The following CNTN1 variants were observed in gnomAD, a reference collection of about 807,000 sequenced individuals.
CNTN1 encodes the protein contactin-1.
Under a neutral mutation model 126.4 loss-of-function variants are expected in CNTN1, and 38 were observed. The ratio of observed to expected loss-of-function variants is 0.30; its 90% CI spans 0.23 to 0.39. The LOEUF (loss-of-function observed/expected upper bound fraction) is 0.39, where lower values mean the gene tolerates loss of function less well. Among genes scored for constraint, CNTN1 ranks in the 10% least tolerant of loss-of-function variants. CNTN1 has a pLI of 1.00. For missense variants in CNTN1, 1,009 were observed against 1,248.4 expected, an observed-to-expected ratio of 0.81 and a Z score of 2.89; for synonymous variants, 413 against 422.6, an observed-to-expected ratio of 0.98 and a Z score of 0.28.
intron 1 of CNTN1, among the ~76,000 whole-genome samples, chr12:40,740,232 C>T (rs549663958): frequency 6.6e-6 from 1 of 151,948 alleles, no homozygotes; most frequent in Non-Finnish European, 1.5e-5. Flanking sequence ...GAAGTTGTGA[C>T]CTTTGATTTG....
At chr12:41,044,014 G>A (rs1324049691) in intron 23 of CNTN1, among the ~76,000 whole-genome samples, 1 of 103,478 alleles carries the variant, frequency 9.7e-6, no homozygotes, top group Non-Finnish European at 1.9e-5. Context: ...TGGGGGGAGG[G>A]GGGTGGGATA....
chr12:41,044,881 A>T (rs1949507731), intron 23 of CNTN1, among the ~76,000 whole-genome samples: 1 of 152,140 alleles, frequency 6.6e-6, no homozygotes, highest in South Asian at 2.1e-4. Flanking sequence ...TTTACTAAAA[A>T]GTAATGTGTT....
At chr12:40,780,550 C>T (rs1939752232) in intron 1 of CNTN1, among the ~76,000 whole-genome samples, 2 of 151,608 alleles carry the variant, frequency 1.3e-5, no homozygotes, top group Middle Eastern at 3.4e-3. Flanking sequence ...ATTTGCATGT[C>T]TGATATTTTC....
At chr12:40,813,844 T>G (rs968132995) in intron 1 of CNTN1, among the ~76,000 whole-genome samples, 4 of 152,222 alleles carry the variant, frequency 2.6e-5, no homozygotes, top group Non-Finnish European at 4.4e-5. Context: ...CTCCACAGCC[T>G]CGCCAGCATC....
At chr12:41,055,316 C>T (rs1949779744) in intron 23 of CNTN1, among the ~76,000 whole-genome samples, 1 of 152,056 alleles carries the variant, frequency 6.6e-6, no homozygotes, top group South Asian at 2.1e-4. Context: ...CCCTTTTTCA[C>T]AATGCATTTC....
intron 20 of CNTN1, 151 bp from the exon 21 acceptor site, chr12:41,024,999 T>G (rs955616406): frequency 7.4e-6 from 6 of 813,464 alleles, no homozygotes; most frequent in South Asian, 1.4e-5. Context: ...TACTATATTC[T>G]AAGGCTGATA....
At chr12:40,974,452 A>G (rs1206352852) in intron 15 of CNTN1, among the ~76,000 whole-genome samples, 1 of 152,042 alleles carries the variant, frequency 6.6e-6, no homozygotes, top group Non-Finnish European at 1.5e-5. Flanking sequence ...AATAAAAAAT[A>G]AAAATAAAAA....
chr12:40,993,663 A>G (rs912083346), intron 17 of CNTN1, among the ~76,000 whole-genome samples: 1 of 152,202 alleles, frequency 6.6e-6, no homozygotes, highest in Non-Finnish European at 1.5e-5. Context: ...ATGATTTAGA[A>G]GGTTCATAAT....
In CNTN1 at chr12:40,695,122, T is replaced by C. The variant is rs148562701; in HGVS notation, c.-77+2530T>C. ...TCTGATTTGTTTTCTAATTAGGAAG[T>C]ACTTTGCAGAAAAAGACTACACTTA... On this transcript the variant is annotated intron_variant, in intron 1 of 23. Coordinates refer to ENST00000551295, the MANE Select transcript of CNTN1 (RefSeq NM_001843.4). 1.8e-4 allele frequency among the ~76,000 whole-genome samples: 27 copies of C among 152,344 alleles called. 1 individual carries two copies. The highest frequency in any genetic ancestry group is 5.5e-4 in the African/African-American group (23 of 41,582).
rs374289456 is a variant in CNTN1, at chr12:40,911,155, A to C, written c.94+1050A>C. The stretch of plus-strand genomic sequence containing the variant: ...GAGTGCAGCGGCGCGATCTCGGCTC[A>C]CTGCAAGCTCCACCTCCGGGATTCA... On this transcript the variant is annotated intron_variant, in intron 3 of 23. Coordinates refer to ENST00000551295, the MANE Select transcript of CNTN1 (RefSeq NM_001843.4). Among the ~76,000 whole-genome samples the C allele has an allele frequency of 2.9e-3, 439 of 151,268 alleles. 2 individuals are homozygous for C. Among genetic ancestry groups the C allele is most frequent in the Non-Finnish European group, 4.1e-3 (280 of 67,922 alleles).
At chr12:40,944,314 C>T (rs1035719147) in intron 14 of CNTN1, 144 bp downstream of exon 14, 26 of 720,966 alleles carry the variant, frequency 3.6e-5, no homozygotes, top group Non-Finnish European at 6.1e-5. Context: ...CTGTGGTTCT[C>T]CTTATATTAA....
At chr12:40,990,617 A>G (rs1948075645) in intron 16 of CNTN1, among the ~76,000 whole-genome samples, 1 of 152,096 alleles carries the variant, frequency 6.6e-6, no homozygotes, top group Non-Finnish European at 1.5e-5. Context: ...CTTTATGAAA[A>G]TGTCTTCCAT....
intron 14 of CNTN1, among the ~76,000 whole-genome samples, chr12:40,957,447 C>CTT (rs34057125): frequency 7.0e-6 from 1 of 143,380 alleles, no homozygotes. Context: ...TTTACCCTAC[C>CTT]TTTTTTTTTT....
chr12:40,727,443 TAA>T (rs951020452), intron 1 of CNTN1, among the ~76,000 whole-genome samples: 1 of 143,998 alleles, frequency 6.9e-6, no homozygotes, highest in Admixed American at 6.9e-5. Flanking sequence ...CATCACAGAT[TAA>T]AAAAAAAAAG....
rs917091805 is a variant in CNTN1 at position 40,925,573 on chromosome 12, A to G, written c.496+921A>G. On this transcript the variant is annotated intron_variant, in intron 6 of 23. Coordinates refer to ENST00000551295, the MANE Select transcript of CNTN1 (RefSeq NM_001843.4). ...TATATATATACACGTATATATACGT[A>G]TATACGTATATATACATGTATATAT... Among the ~76,000 whole-genome samples the G allele has an allele frequency of 8.8e-5, 11 of 124,380 alleles. No homozygotes were observed. In the East Asian group the frequency reaches 2.4e-3, roughly 27 times the overall value. 81.6% of individuals were successfully genotyped at this position (124,380 alleles called of 152,430 possible).
chr12:40,999,656 A>G (rs1219067943), intron 17 of CNTN1, among the ~76,000 whole-genome samples: 1 of 151,926 alleles, frequency 6.6e-6, no homozygotes, highest in Non-Finnish European at 1.5e-5. Flanking sequence ...AGTAAGATAT[A>G]AAAACACTTT....
At chr12:40,965,095 T>C (rs191029936) in intron 15 of CNTN1, among the ~76,000 whole-genome samples, 32 of 152,288 alleles carry the variant, frequency 2.1e-4, no homozygotes, top group African/African-American at 7.7e-4. Flanking sequence ...GGTCCTATTA[T>C]TGGCAAATCA....
At chr12:40,830,830 T>TAC (rs1425188944) in intron 1 of CNTN1, among the ~76,000 whole-genome samples, 7 of 104,318 alleles carry the variant, frequency 6.7e-5, no homozygotes, top group East Asian at 6.3e-4. Context: ...TATATATATA[T>TAC]ATATACTCTT....
intron 1 of CNTN1, among the ~76,000 whole-genome samples, chr12:40,767,317 T>G (rs1939137889): frequency 7.1e-6 from 1 of 141,124 alleles, no homozygotes; most frequent in African/African-American, 2.6e-5. Context: ...TTTTTTTTTT[T>G]TTTTTTTTTG....
Sources: gnomAD v4.1 joint callset for allele counts (sites outside exome capture counted in the v4.1 genomes callset) on GRCh38, gnomAD v4.1.1 for gene constraint, MANE v1.5 for transcripts, NCBI Gene and HGNC (gene_info 2026-07-23, HGNC 2026-07-21) for gene names.